Variants in CENPS observed in about 807,000 individuals in gnomAD.
CENPS encodes the protein centromere protein S.
Under a neutral mutation model 17.9 loss-of-function variants are expected in CENPS, and 16 were observed. That is an observed-to-expected ratio of 0.90 (90% CI 0.61 to 1.36). The LOEUF (loss-of-function observed/expected upper bound fraction) is 1.36, where lower values mean the gene tolerates loss of function less well. Ranked by LOEUF, CENPS falls within the 40% of genes most tolerant of loss-of-function variation. The pLI, the probability that CENPS is intolerant of heterozygous loss-of-function variation, is 0.00. For synonymous variants in CENPS, 49 were observed against 55.8 expected, an observed-to-expected ratio of 0.88 and a Z score of 0.54; for missense variants, 160 against 158.6, an observed-to-expected ratio of 1.01 and a Z score of -0.05.
intron 1 of CENPS, 39 bp downstream of exon 1, chr1:10,430,607 C>T (rs1446571715): frequency 2.6e-6 from 4 of 1,525,286 alleles, no homozygotes; most frequent in South Asian, 1.2e-5. Flanking sequence ...TGGGGCAGGA[C>T]GGCGTCGAGT....
chr1:10,440,454 G>C, intron 4 of CENPS, 41 bp downstream of exon 4: 1 of 1,608,088 alleles, frequency 6.2e-7, no homozygotes, highest in South Asian at 1.1e-5. Flanking sequence ...TTTCCCATCG[G>C]AATACATTAT....
chr1:10,430,609 G>A, intron 1 of CENPS, 41 bp downstream of exon 1: 1 of 1,525,118 alleles, frequency 6.6e-7, no homozygotes, highest in Non-Finnish European at 8.8e-7. Context: ...GGGCAGGACG[G>A]CGTCGAGTTT....
chr1:10,433,151 G>A (rs1365130618), intron 1 of CENPS, among the ~76,000 whole-genome samples: 1 of 152,140 alleles, frequency 6.6e-6, no homozygotes, highest in East Asian at 1.9e-4. Flanking sequence ...GAACTCTGTC[G>A]ACACGTGGCT....
chr1:10,439,816 T>G (rs530117609), intron 3 of CENPS, among the ~76,000 whole-genome samples: 27 of 152,304 alleles, frequency 1.8e-4, no homozygotes, highest in Middle Eastern at 3.4e-3. Context: ...AACTACTTGT[T>G]GGGAATGGGG....
Position 10,430,643 on chromosome 1 carries a change from C to A in CENPS, c.51+75C>A, listed in dbSNP as rs1472326308. On this transcript the variant is annotated intron_variant, in intron 1 of 4. Transcript: ENST00000309048. Reference sequence around the variant, plus strand: ...TTCTGGACAGAAAAGTACCCGGCAGCCCCCGGCGGCTTCTCATCGGCACCC... The same window carrying A: ...TTCTGGACAGAAAAGTACCCGGCAGACCCCGGCGGCTTCTCATCGGCACCC... 4.5e-5 allele frequency: 67 copies of A among 1,478,150 alleles called. 1 individual carries two copies. The South Asian group carries it at 6.8e-4, about 15-fold the overall frequency. 91.6% of individuals were successfully genotyped at this position (1,478,150 alleles called of 1,614,324 possible).
chr1:10,430,485 C>T lies in CENPS; in HGVS notation c.-33C>T, dbSNP rs1243853763. ...CCGCGCACCACCGCCCCTTCTCGGC[C>T]CTCCTGCGTTTGCCCAGGGTCGGCC... On this transcript the variant is annotated 5_prime_UTR_variant, in exon 1 of 5. Transcript: ENST00000309048. 6.5e-7 allele frequency: 1 copy of T among 1,534,520 alleles called. No individual in the cohort carries two copies.
chr1:10,436,155 T>G (rs945432875), intron 3 of CENPS, among the ~76,000 whole-genome samples: 3 of 151,664 alleles, frequency 2.0e-5, no homozygotes, highest in Non-Finnish European at 2.9e-5. Context: ...TTTTTGTATT[T>G]TTAGTAGAGA....
intron 4 of CENPS, among the ~76,000 whole-genome samples, chr1:10,442,055 T>G: frequency 6.6e-6 from 1 of 151,736 alleles, no homozygotes; most frequent in South Asian, 2.1e-4. Flanking sequence ...GCCCACATAG[T>G]GAGACCCTCA....
chr1:10,434,129 G>A (rs775297130), intron 2 of CENPS, among the ~76,000 whole-genome samples, 164 bp downstream of exon 2: 1 of 152,220 alleles, frequency 6.6e-6, no homozygotes, highest in Non-Finnish European at 1.5e-5. Context: ...GCTGTGAGAT[G>A]TGGATATTTT....
chr1:10,433,943 G>A lies in CENPS; in HGVS notation c.153G>A (p.Ser51=), dbSNP rs140669507. Residue 51 remains serine, a synonymous_variant, in exon 2 of 5, where the codon TCG becomes TCA. Transcript: ENST00000309048. ...QFSKQTIAAI[S]ELTFRQCENF... is the part of the protein sequence containing the mutation. Reference sequence around the variant, plus strand: ...GCAAACAGACCATTGCGGCCATTTCGGAGCTGACTTTCCGACAGTGTGGTA... The same window carrying A: ...GCAAACAGACCATTGCGGCCATTTCAGAGCTGACTTTCCGACAGTGTGGTA... 6.7e-5 allele frequency: 108 copies of A among 1,614,170 alleles called. No homozygotes were observed. The African/African-American group carries it at 1.0e-3, about 15-fold the overall frequency.
chr1:10,439,257 A>G (rs894632181), intron 3 of CENPS, among the ~76,000 whole-genome samples: 2 of 152,228 alleles, frequency 1.3e-5, no homozygotes, highest in Non-Finnish European at 2.9e-5. Flanking sequence ...TAAGGATGCA[A>G]AGATTCCTAT....
In CENPS at chr1:10,430,473, C is replaced by T; in HGVS notation, c.-45C>T. Reference sequence around the variant, plus strand: ...AATCCGACCTGGCCGCGCACCACCGCCCCTTCTCGGCCCTCCTGCGTTTGC... The same window carrying T: ...AATCCGACCTGGCCGCGCACCACCGTCCCTTCTCGGCCCTCCTGCGTTTGC... On this transcript the variant is annotated 5_prime_UTR_variant, in exon 1 of 5. Transcript: ENST00000309048. 1 of 1,530,506 alleles carries T rather than the reference C, an allele frequency of 6.5e-7. No individual in the cohort carries two copies. The highest frequency in any genetic ancestry group is 8.8e-7 in the Non-Finnish European group (1 of 1,139,492). 94.8% of individuals were successfully genotyped at this position (1,530,506 alleles called of 1,614,324 possible).
intron 1 of CENPS, chr1:10,430,803 T>C (rs1365134369): frequency 7.4e-6 from 10 of 1,354,852 alleles, no homozygotes; most frequent in Non-Finnish European, 8.5e-6. Context: ...TAGGGGAGCG[T>C]GCGGGCGCCG....
chr1:10,433,861 A>T lies in CENPS; in HGVS notation c.71A>T (p.His24Leu). 6.2e-7 allele frequency: 1 copy of T among 1,614,158 alleles called. No individual in the cohort carries two copies. Among genetic ancestry groups the T allele is most frequent in the South Asian group, 1.1e-5 (1 of 91,084 alleles). The change falls in exon 2 of 5, where the codon CAC becomes CTC. Residue 24 changes from histidine to leucine, a missense_variant. Physicochemically the swap from His to Leu is moderately conservative, Grantham distance 99. Transcript: ENST00000309048. ...CCCCAGAGGCTAAAGGCAGCAGTTC[A>T]CTATACTGTGGGTTGTCTTTGCGAG... ...SYQQRLKAAV[H>L]YTVGCLCEEV... is the part of the protein sequence containing the mutation.
At chr1:10,431,855 GAA>G (rs5772410) in intron 1 of CENPS, among the ~76,000 whole-genome samples, 1 of 118,764 alleles carries the variant, frequency 8.4e-6, no homozygotes. Context: ...CTCCATCTCA[GAA>G]AAAAAAAAAA....
intron 4 of CENPS, among the ~76,000 whole-genome samples, chr1:10,441,981 A>G (rs571768297): frequency 1.6e-4 from 24 of 152,276 alleles, no homozygotes; most frequent in Non-Finnish European, 1.5e-4. Flanking sequence ...GCTCATGCCA[A>G]TAATCCCAGA....
chr1:10,433,169 T>C (rs1300274888), intron 1 of CENPS, among the ~76,000 whole-genome samples: 1 of 152,112 alleles, frequency 6.6e-6, no homozygotes, highest in African/African-American at 2.4e-5. Context: ...GCTGAGACCA[T>C]TGCTTAGCTT....
chr1:10,436,849 G>A (rs1034202762), intron 3 of CENPS, among the ~76,000 whole-genome samples: 6 of 152,156 alleles, frequency 3.9e-5, no homozygotes, highest in African/African-American at 9.7e-5. Flanking sequence ...CCTCTTCTTA[G>A]CACAACCCAC....
At chr1:10,431,134 T>G in intron 1 of CENPS, 1 of 1,429,172 alleles carries the variant, frequency 7.0e-7, no homozygotes, top group East Asian at 2.5e-5. Flanking sequence ...GTCATAAGAA[T>G]AATCACTTGT....
Sources: allele counts gnomAD v4.1 joint callset (sites outside exome capture counted in the v4.1 genomes callset), GRCh38; gene constraint gnomAD v4.1.1; transcripts MANE v1.5; gene names NCBI Gene and HGNC (gene_info 2026-07-23, HGNC 2026-07-21).